COL19A1: variants seen among roughly 807,000 people sequenced by gnomAD.
COL19A1 encodes the protein collagen alpha-1(XIX) chain.
In COL19A1, 159 loss-of-function variants were observed where a neutral mutation model predicts 190.2. The observed-to-expected ratio is 0.84, with a 90% CI of 0.73 to 0.95. The LOEUF (loss-of-function observed/expected upper bound fraction) is 0.95. COL19A1 is among the 40% of genes least tolerant of loss of function. The pLI is 0.00. For synonymous variants in COL19A1, 509 were observed against 458.9 expected, an observed-to-expected ratio of 1.11 and a Z score of -1.39; for missense variants, 1,418 against 1,431.9, an observed-to-expected ratio of 0.99 and a Z score of 0.16.
At position 69,962,865 on chromosome 6, in the gene COL19A1, G is replaced by A. The variant is rs1273072016; in HGVS notation, c.1021G>A (p.Glu341Lys). The A allele has an allele frequency of 6.2e-7, 1 of 1,606,466 alleles. No homozygotes were observed. Among genetic ancestry groups the A allele is most frequent in the South Asian group, 1.1e-5 (1 of 90,158 alleles). ...GFEGSKGETG[E>K]KGEQGEKGDP... ...TGAAGGCAGCAAAGGAGAAACTGGT[G>A]AAAAGGTAAATATCTCTTTTTACAT... Residue 341 changes from glutamate (E) to lysine (K), a missense_variant, in exon 11 of 51, where the codon GAA (glutamate) becomes AAA (lysine). Coordinates refer to ENST00000620364, the MANE Select transcript of COL19A1 (RefSeq NM_001858.6).
chr6:69,913,943 G>T (rs1771124453), intron 4 of COL19A1, among the ~76,000 whole-genome samples: 1 of 151,612 alleles, frequency 6.6e-6, no homozygotes, highest in South Asian at 2.1e-4. Flanking sequence ...GCAGGGTTGG[G>T]TTTAATCCAG....
At chr6:70,025,979 G>A (rs1778712410) in intron 12 of COL19A1, among the ~76,000 whole-genome samples, 1 of 152,106 alleles carries the variant, frequency 6.6e-6, no homozygotes, top group East Asian at 1.9e-4. Context: ...ATGTAGGAGT[G>A]TTCAAACAGA....
At chr6:70,153,593 A>G (rs1583038610) in intron 31 of COL19A1, among the ~76,000 whole-genome samples, 2 of 152,156 alleles carry the variant, frequency 1.3e-5, no homozygotes, top group African/African-American at 4.8e-5. Flanking sequence ...TCATTTTTTA[A>G]TGTTTCACTT....
chr6:70,052,363 G>T (rs1780254147), intron 14 of COL19A1, among the ~76,000 whole-genome samples: 1 of 152,102 alleles, frequency 6.6e-6, no homozygotes, highest in Non-Finnish European at 1.5e-5. Context: ...AAGATAAATA[G>T]AAATGCAAAA....
Position 70,144,844 on chromosome 6 carries a change from T to C in COL19A1, c.1681-74T>C, listed in dbSNP as rs9454991. ...TGGCTATGATGACAACTTAAAACAA[T>C]GGAAACCACTACCTCCTCACTTCCC... is the stretch of plus-strand genomic sequence containing the variant. On this transcript the variant is annotated intron_variant, in intron 24 of 50. Coordinates refer to ENST00000620364, the MANE Select transcript of COL19A1 (RefSeq NM_001858.6). The C allele has an allele frequency of 0.029, 26,721 of 922,586 alleles. 616 individuals are homozygous for C. Among genetic ancestry groups the C allele is most frequent in the African/African-American group, 0.098 (5,837 of 59,760 alleles). 57.1% of individuals were successfully genotyped at this position (922,586 alleles called of 1,614,324 possible).
At chr6:69,901,418 A>G (rs79129886) in intron 4 of COL19A1, among the ~76,000 whole-genome samples, 16,187 of 152,276 alleles carry the variant, frequency 0.11, 949 homozygotes, top group Middle Eastern at 0.16. Context: ...AATGACTGAA[A>G]TGGCTCCTTA....
intron 4 of COL19A1, among the ~76,000 whole-genome samples, chr6:69,911,327 G>A (rs1770897811): frequency 6.6e-6 from 1 of 152,122 alleles, no homozygotes. Context: ...ATTCCTGTAA[G>A]TTTCCTACAT....
intron 16 of COL19A1, among the ~76,000 whole-genome samples, chr6:70,119,759 C>A (rs1386240427): frequency 6.6e-6 from 1 of 152,146 alleles, no homozygotes; most frequent in Non-Finnish European, 1.5e-5. Flanking sequence ...TTAGTTAATT[C>A]CTGCTGTAAT....
intron 15 of COL19A1, among the ~76,000 whole-genome samples, chr6:70,094,415 A>G (rs779996488): frequency 6.6e-5 from 10 of 152,156 alleles, no homozygotes; most frequent in Non-Finnish European, 1.5e-4. Flanking sequence ...ACACATATGG[A>G]AACAGGGGAA....
At chr6:70,094,399 C>A (rs1783114329) in intron 15 of COL19A1, among the ~76,000 whole-genome samples, 1 of 152,102 alleles carries the variant, frequency 6.6e-6, no homozygotes, top group Admixed American at 6.6e-5. Flanking sequence ...TAACAGTGTG[C>A]AAAATACACA....
intron 46 of COL19A1, among the ~76,000 whole-genome samples, chr6:70,187,192 C>G (rs1018462700): frequency 6.6e-6 from 1 of 152,118 alleles, no homozygotes; most frequent in Admixed American, 6.6e-5. Flanking sequence ...ACTGATTCTT[C>G]CATAGTTCAT....
intron 11 of COL19A1, among the ~76,000 whole-genome samples, chr6:69,997,086 G>A (rs984107541): frequency 7.3e-5 from 11 of 151,052 alleles, no homozygotes; most frequent in African/African-American, 2.2e-4. Flanking sequence ...AGTAGAAAAA[G>A]GAGAAGGATC....
At chr6:69,936,279 A>G (rs563043567) in intron 7 of COL19A1, among the ~76,000 whole-genome samples, 87 of 152,290 alleles carry the variant, frequency 5.7e-4, no homozygotes, top group African/African-American at 2.0e-3. Flanking sequence ...ACAGTAGACT[A>G]GAACAAAGTA....
At position 69,988,155 on chromosome 6, in the gene COL19A1, A is replaced by G. The variant is rs138602656; in HGVS notation, c.1026+25285A>G. ...TATGCAAAAGTGCAGCATTATTACC[A>G]TTTTCTTTCCCCATTCTTATATGTT... On this transcript the variant is annotated intron_variant, in intron 11 of 50. Transcript: ENST00000620364. Among the ~76,000 whole-genome samples the G allele has an allele frequency of 8.1e-3, 1,232 of 152,158 alleles. 20 individuals are homozygous for G. Among genetic ancestry groups the G allele is most frequent in the African/African-American group, 0.028 (1,152 of 41,516 alleles).
chr6:69,905,602 G>C (rs1479261971), intron 4 of COL19A1, among the ~76,000 whole-genome samples: 2 of 152,212 alleles, frequency 1.3e-5, no homozygotes, highest in East Asian at 3.9e-4. Context: ...CCAAGGGATG[G>C]CCTTCCCATG....
Position 69,938,099 on chromosome 6 carries a change from C to A in COL19A1, c.935C>A (p.Pro312Gln), listed in dbSNP as rs199945062. Reference sequence around the variant, plus strand: ...GGGCAGAAAGGGCATAAAGGAGAGCCGGTAAGAAAAAAACAAATACTGATG... The same window carrying A: ...GGGCAGAAAGGGCATAAAGGAGAGCAGGTAAGAAAAAAACAAATACTGATG... ...SPGQKGHKGE[P>Q]GENGLHGAPG... The change falls in exon 9 of 51, where the codon CCG becomes CAG. Residue 312 changes from proline (P) to glutamine (Q), a missense_variant and splice_region_variant. Coordinates refer to ENST00000620364, the MANE Select transcript of COL19A1 (RefSeq NM_001858.6). 7 of 1,609,584 alleles carry A rather than the reference C, an allele frequency of 4.3e-6. No homozygotes were observed. The highest frequency in any genetic ancestry group is 5.9e-6 in the Non-Finnish European group (7 of 1,177,972).
rs146998281 is a variant in COL19A1 at position 69,929,677 on chromosome 6, G to A, written c.643G>A (p.Ala215Thr). The change falls in exon 6 of 51, where the codon GCT becomes ACT. Residue 215 changes from alanine to threonine, a missense_variant. Transcript: ENST00000620364. ...TGGACGGACAGTTATTGCTACGCGA[G>A]CTTCAGATGGCAAGCCTGTGGATGT... ...FHGRTVIATRASDGKPVDIEL... is the reference protein window; with the variant it reads ...FHGRTVIATRTSDGKPVDIEL... The A allele has an allele frequency of 2.5e-6, 4 of 1,613,024 alleles. No homozygotes were observed. The highest frequency in any genetic ancestry group is 1.1e-5 in the South Asian group (1 of 90,990).
chr6:70,035,635 CA>C (rs1277520820), intron 13 of COL19A1, among the ~76,000 whole-genome samples: 1 of 152,066 alleles, frequency 6.6e-6, no homozygotes, highest in Non-Finnish European at 1.5e-5. Flanking sequence ...GATTAGTAGA[CA>C]AAAGAATAGA....
At chr6:69,960,117 A>G (rs1436245980) in intron 10 of COL19A1, 77 bp downstream of exon 10, 2 of 1,385,090 alleles carry the variant, frequency 1.4e-6, no homozygotes, top group Non-Finnish European at 2.0e-6. Context: ...AATATTCTGA[A>G]ATTGTATTTG....
Sources: allele counts gnomAD v4.1 joint callset (sites outside exome capture counted in the v4.1 genomes callset), GRCh38; gene constraint gnomAD v4.1.1; transcripts MANE v1.5; gene names NCBI Gene and HGNC (gene_info 2026-07-23, HGNC 2026-07-21).